MCF2L: variants seen among roughly 807,000 people sequenced by gnomAD.
The protein encoded by MCF2L is MCF.2 cell line derived transforming sequence like, also known as guanine nucleotide exchange factor DBS.
A neutral mutation model predicts 153.4 loss-of-function variants in MCF2L; 97 were observed. That is an observed-to-expected ratio of 0.63 (90% CI 0.54 to 0.75). The LOEUF (loss-of-function observed/expected upper bound fraction) is 0.75, where lower values mean the gene tolerates loss of function less well. MCF2L is among the 30% of genes least tolerant of loss of function. The pLI is 0.00. For synonymous variants in MCF2L, 659 were observed against 632.2 expected (o/e 1.04, Z -0.64); for missense variants, 1,347 against 1,495.2 (o/e 0.90, Z 1.64).
intron 1 of MCF2L, among the ~76,000 whole-genome samples, chr13:112,971,795 G>C (rs1240933967): frequency 2.0e-5 from 3 of 152,128 alleles, no homozygotes; most frequent in Admixed American, 6.6e-5. Context: ...ACTTCCCCCT[G>C]GCCCCCCTTC....
At chr13:112,944,942 T>C (rs2081621678) in intron 2 of MCF2L, among the ~76,000 whole-genome samples, 1 of 151,852 alleles carries the variant, frequency 6.6e-6, no homozygotes, top group African/African-American at 2.4e-5. Context: ...AGCTTTGAAA[T>C]CACTTTGTGT....
chr13:112,947,069 A>G (rs372959463), intron 2 of MCF2L, among the ~76,000 whole-genome samples: 2 of 152,168 alleles, frequency 1.3e-5, no homozygotes, highest in Non-Finnish European at 2.9e-5. Flanking sequence ...AAAACCAGAA[A>G]TTTATTTCCT....
chr13:112,971,635 T>C (rs933470383), intron 1 of MCF2L, among the ~76,000 whole-genome samples: 4 of 152,248 alleles, frequency 2.6e-5, no homozygotes, highest in African/African-American at 7.2e-5. Context: ...AGAACCTTCA[T>C]TAGCTAGGCT....
rs954528394 is a variant in MCF2L, at chr13:112,908,727, T to G, written c.169+6356T>G. 1.3e-4 allele frequency among the ~76,000 whole-genome samples: 6 copies of G among 47,432 alleles called. No individual in the cohort carries two copies. In the East Asian group the frequency reaches 6.1e-3, roughly 48 times the overall value. The allele number at this position is 47,432 out of a possible 152,430, so 31.1% of individuals were successfully genotyped here. A position where few individuals can be genotyped will look rare whatever the true frequency, so the allele number is the denominator to read the frequency against. ...CACCAGGCTCATGTTTTTTGTTTTG[T>G]TTTGGTTTTTTTTTGTTTTTTTTTG... On this transcript the variant is annotated intron_variant, in intron 2 of 29. Coordinates refer to the MCF2L transcript ENST00000375608.
chr13:113,095,184 A>G (rs1197642057), intron 27 of MCF2L: 1 of 1,250,076 alleles, frequency 8.0e-7, no homozygotes, highest in Admixed American at 2.5e-5. Context: ...AAAAGCTGCC[A>G]TGTGTTAATC....
intron 2 of MCF2L, among the ~76,000 whole-genome samples, chr13:112,926,032 C>T (rs2081398511): frequency 6.6e-6 from 1 of 152,174 alleles, no homozygotes; most frequent in African/African-American, 2.4e-5. Context: ...CAGTAGTTCA[C>T]AGAAAAAGAA....
intron 2 of MCF2L, among the ~76,000 whole-genome samples, chr13:112,954,272 G>A (rs765621303): frequency 3.3e-5 from 5 of 152,098 alleles, no homozygotes; most frequent in East Asian, 1.9e-4. Flanking sequence ...ACTGTCCTGG[G>A]CTTTCTCAGC....
At chr13:113,083,810 G>A (rs892152202) in intron 17 of MCF2L, among the ~76,000 whole-genome samples, 188 bp from the exon 18 acceptor site, 4 of 152,246 alleles carry the variant, frequency 2.6e-5, no homozygotes, top group African/African-American at 9.7e-5. Context: ...TCAGCCTGGG[G>A]CTGCACCTGC....
intron 3 of MCF2L, among the ~76,000 whole-genome samples, chr13:113,037,434 C>T (rs1188281597): frequency 1.3e-5 from 2 of 152,134 alleles, no homozygotes; most frequent in African/African-American, 2.4e-5. Flanking sequence ...AGCATGGGGT[C>T]GGAGACTCAG....
chr13:112,974,911 C>T (rs1434292986), intron 1 of MCF2L, among the ~76,000 whole-genome samples: 1 of 152,190 alleles, frequency 6.6e-6, no homozygotes, highest in Non-Finnish European at 1.5e-5. Context: ...TTATGGAAAG[C>T]TCGGCTGCCT....
At chr13:113,062,522 G>A (rs930156921) in intron 5 of MCF2L, among the ~76,000 whole-genome samples, 5 of 152,008 alleles carry the variant, frequency 3.3e-5, no homozygotes, top group Non-Finnish European at 1.5e-5. Flanking sequence ...CCGACCTCAC[G>A]GGTCATCCAT....
intron 2 of MCF2L, among the ~76,000 whole-genome samples, chr13:113,023,522 G>C (rs1248025843): frequency 6.6e-6 from 1 of 152,158 alleles, no homozygotes; most frequent in Non-Finnish European, 1.5e-5. Context: ...TCGCTGTTAC[G>C]AGACAAAGCT....
At chr13:112,942,643 T>C (rs2081587913) in intron 2 of MCF2L, among the ~76,000 whole-genome samples, 1 of 152,226 alleles carries the variant, frequency 6.6e-6, no homozygotes, top group Non-Finnish European at 1.5e-5. Flanking sequence ...AATAATTTAT[T>C]CTAAGAAAAT....
chr13:112,999,877 T>C (rs896418242), intron 1 of MCF2L, among the ~76,000 whole-genome samples: 3 of 152,124 alleles, frequency 2.0e-5, no homozygotes, highest in Non-Finnish European at 4.4e-5. Flanking sequence ...GGAATGAAGA[T>C]GCCTGCAGGC....
At chr13:112,963,535 C>T (rs968880239) in intron 2 of MCF2L, among the ~76,000 whole-genome samples, 11 of 152,196 alleles carry the variant, frequency 7.2e-5, no homozygotes, top group Non-Finnish European at 2.9e-5. Context: ...CCCAGGGCCA[C>T]TCACCTCCCT....
At chr13:113,036,214 G>A (rs980655486) in intron 3 of MCF2L, among the ~76,000 whole-genome samples, 10 of 152,204 alleles carry the variant, frequency 6.6e-5, no homozygotes, top group African/African-American at 2.4e-4. Context: ...TCACAGAGGA[G>A]TCTTTGGAAA....
At chr13:113,092,333 G>A (rs1043028376) in intron 26 of MCF2L, among the ~76,000 whole-genome samples, 25 of 152,292 alleles carry the variant, frequency 1.6e-4, no homozygotes, top group African/African-American at 5.1e-4. Context: ...TGTTGAAGCC[G>A]GGCCACTGCC....
chr13:112,950,005 C>CAA (rs35902584), intron 2 of MCF2L, among the ~76,000 whole-genome samples: 1,911 of 122,740 alleles, frequency 0.016, 53 homozygotes, highest in African/African-American at 0.049. Context: ...AAGGATTCTA[C>CAA]AAAAAAAAAA....
chr13:112,959,197 T>G (rs992465078), intron 2 of MCF2L, among the ~76,000 whole-genome samples: 1 of 152,178 alleles, frequency 6.6e-6, no homozygotes, highest in Non-Finnish European at 1.5e-5. Flanking sequence ...TAGTTTTTCT[T>G]TTAGAAAGAA....
Sources: gnomAD v4.1 joint callset for allele counts (sites outside exome capture counted in the v4.1 genomes callset) on GRCh38, gnomAD v4.1.1 for gene constraint, MANE v1.5 for transcripts, NCBI Gene and HGNC (gene_info 2026-07-23, HGNC 2026-07-21) for gene names.